Variants in RBFOX1 observed in about 807,000 individuals in gnomAD.
RBFOX1 encodes the protein RNA binding protein fox-1 homolog 1.
In RBFOX1, 8 loss-of-function variants were observed where a neutral mutation model predicts 57.7. The observed-to-expected ratio is 0.14, with a 90% confidence interval of 0.08 to 0.25. The LOEUF (loss-of-function observed/expected upper bound fraction) is 0.25, where lower values mean the gene tolerates loss of function less well. Among genes scored for constraint, RBFOX1 ranks in the 10% least tolerant of loss-of-function variants. The pLI is 1.00. For synonymous variants in RBFOX1, 326 were observed against 222.4 expected, an observed-to-expected ratio of 1.47 and a Z score of -4.15; for missense variants, 611 against 548.5, an observed-to-expected ratio of 1.11 and a Z score of -1.14.
chr16:5,941,059 A>G (rs1193233702), intron 4 of RBFOX1, among the ~76,000 whole-genome samples: 2 of 152,178 alleles, frequency 1.3e-5, no homozygotes, highest in East Asian at 3.9e-4. Flanking sequence ...GAGATGATGC[A>G]TGCAAATCCT....
At chr16:6,604,765 G>T (rs1342219926) in intron 2 of RBFOX1, among the ~76,000 whole-genome samples, 1 of 152,128 alleles carries the variant, frequency 6.6e-6, no homozygotes, top group African/African-American at 2.4e-5. Context: ...ATGATTCCAA[G>T]ATTCTATAAT....
chr16:6,825,053 G>A (rs1260909857), intron 3 of RBFOX1, among the ~76,000 whole-genome samples: 2 of 126,692 alleles, frequency 1.6e-5, no homozygotes, highest in Non-Finnish European at 3.2e-5. Flanking sequence ...CTGGAATGCA[G>A]TGGCATGATC....
chr16:7,446,339 G>C (rs898553447), intron 4 of RBFOX1, among the ~76,000 whole-genome samples: 1 of 152,114 alleles, frequency 6.6e-6, no homozygotes, highest in African/African-American at 2.4e-5. Context: ...TGTTGTCCCA[G>C]GAATGAAAAT....
At chr16:5,833,385 C>T (rs992009063) in intron 3 of RBFOX1, among the ~76,000 whole-genome samples, 2 of 151,428 alleles carry the variant, frequency 1.3e-5, no homozygotes, top group Non-Finnish European at 2.9e-5. Flanking sequence ...GTCCCAGCTA[C>T]TCAGGAGGCT....
At chr16:5,928,084 A>G (rs1187358605) in intron 4 of RBFOX1, among the ~76,000 whole-genome samples, 3 of 152,078 alleles carry the variant, frequency 2.0e-5, no homozygotes, top group African/African-American at 7.2e-5. Context: ...AATGTATTTT[A>G]TTTTTATTTA....
chr16:5,839,320 C>G (rs918010524), intron 3 of RBFOX1, among the ~76,000 whole-genome samples: 2 of 152,144 alleles, frequency 1.3e-5, no homozygotes, highest in Non-Finnish European at 2.9e-5. Flanking sequence ...TTCTGTTAGT[C>G]TCTAACTGGG....
At chr16:7,062,336 A>G (rs1416907188) in intron 4 of RBFOX1, among the ~76,000 whole-genome samples, 4 of 139,552 alleles carry the variant, frequency 2.9e-5, no homozygotes, top group African/African-American at 8.3e-5. Context: ...AAAAAAAAAA[A>G]AAGAAAAGAA....
chr16:7,260,354 TA>T, intron 4 of RBFOX1, among the ~76,000 whole-genome samples: 1 of 152,202 alleles, frequency 6.6e-6, no homozygotes, highest in East Asian at 1.9e-4. Flanking sequence ...AAAATTTTAT[TA>T]AACGCCGCTC....
intron 1 of RBFOX1, among the ~76,000 whole-genome samples, chr16:5,356,942 C>T (rs4786679): frequency 1 from 152,166 of 152,364 alleles, 75,984 homozygotes; most frequent in Non-Finnish European, 1. Flanking sequence ...TTACATACAT[C>T]GTTTCGTTGA....
intron 4 of RBFOX1, among the ~76,000 whole-genome samples, chr16:5,876,495 C>T (rs958336536): frequency 6.6e-6 from 1 of 152,152 alleles, no homozygotes; most frequent in South Asian, 2.1e-4. Context: ...CTCTTAGAGG[C>T]AAAGGCTCAG....
chr16:6,483,403 T>C (rs1332866440), intron 2 of RBFOX1: 2 of 1,534,102 alleles, frequency 1.3e-6, no homozygotes, highest in Admixed American at 2.0e-5. Flanking sequence ...TGGAGTCATT[T>C]ACATTGCTAG....
intron 3 of RBFOX1, among the ~76,000 whole-genome samples, chr16:6,839,060 C>T (rs2093309208): frequency 6.6e-6 from 1 of 151,944 alleles, no homozygotes; most frequent in South Asian, 2.1e-4. Flanking sequence ...TCTTGGCTCC[C>T]TGTAACCTCT....
intron 3 of RBFOX1, among the ~76,000 whole-genome samples, chr16:5,827,233 C>G (rs1318623673): frequency 3.3e-5 from 5 of 151,850 alleles, no homozygotes; most frequent in Non-Finnish European, 7.4e-5. Context: ...AACCCCATCT[C>G]TACTAAAATT....
At chr16:6,966,607 G>C (rs1326255375) in intron 3 of RBFOX1, among the ~76,000 whole-genome samples, 1 of 152,156 alleles carries the variant, frequency 6.6e-6, no homozygotes, top group Non-Finnish European at 1.5e-5. Context: ...CAATGGACTG[G>C]AGAACATGGG....
At chr16:7,290,835 C>G (rs1038509040) in intron 4 of RBFOX1, among the ~76,000 whole-genome samples, 1 of 152,178 alleles carries the variant, frequency 6.6e-6, no homozygotes, top group Non-Finnish European at 1.5e-5. Context: ...TTATCTAAGC[C>G]TTCTGAGTCT....
At chr16:7,311,357 T>A (rs1157584201) in intron 4 of RBFOX1, among the ~76,000 whole-genome samples, 5 of 151,990 alleles carry the variant, frequency 3.3e-5, no homozygotes, top group African/African-American at 1.2e-4. Context: ...GCAATGACTA[T>A]TTTTTTTCTC....
At chr16:6,843,725 G>T (rs2093615516) in intron 3 of RBFOX1, among the ~76,000 whole-genome samples, 1 of 152,050 alleles carries the variant, frequency 6.6e-6, no homozygotes, top group Non-Finnish European at 1.5e-5. Context: ...AGCTTTACAG[G>T]TAGTTCCTTT....
intron 2 of RBFOX1, among the ~76,000 whole-genome samples, chr16:6,351,358 A>G (rs1410926619): frequency 3.3e-5 from 3 of 90,806 alleles, no homozygotes; most frequent in South Asian, 2.8e-4. Flanking sequence ...GTGTGTATAT[A>G]TATATATATA....
chr16:6,494,867 C>T (rs143472682), intron 2 of RBFOX1, among the ~76,000 whole-genome samples: 2 of 152,128 alleles, frequency 1.3e-5, no homozygotes, highest in Admixed American at 6.5e-5. Context: ...CAGAGAATAG[C>T]CAGCATTTAT....
Sources: gnomAD v4.1 joint callset for allele counts (sites outside exome capture counted in the v4.1 genomes callset) on GRCh38, gnomAD v4.1.1 for gene constraint, MANE v1.5 for transcripts, NCBI Gene and HGNC (gene_info 2026-07-23, HGNC 2026-07-21) for gene names.